The following CDH13 variants were observed in gnomAD, a reference collection of about 807,000 sequenced individuals.
The protein encoded by CDH13 is cadherin-13.
A neutral mutation model predicts 63.8 loss-of-function variants in CDH13; 24 were observed. The observed-to-expected ratio is 0.38, with a 90% CI of 0.27 to 0.53. CDH13 has a LOEUF of 0.53. CDH13 is among the 20% of genes least tolerant of loss of function. CDH13 has a pLI of 0.85. For missense variants in CDH13, 1,049 were observed against 903.1 expected, an observed-to-expected ratio of 1.16 and a Z score of -2.07; for synonymous variants, 503 against 355.3, an observed-to-expected ratio of 1.42 and a Z score of -4.67.
At chr16:83,600,973 C>G (rs561680811) in intron 7 of CDH13, among the ~76,000 whole-genome samples, 23 of 152,224 alleles carry the variant, frequency 1.5e-4, no homozygotes, top group African/African-American at 5.5e-4. Context: ...GAGATGACTC[C>G]TCTAGCTCCC....
At chr16:83,293,077 A>G (rs940974636) in intron 5 of CDH13, among the ~76,000 whole-genome samples, 6 of 152,138 alleles carry the variant, frequency 3.9e-5, no homozygotes, top group African/African-American at 1.4e-4. Context: ...TTTTATCACA[A>G]CAGTAATTAC....
intron 7 of CDH13, among the ~76,000 whole-genome samples, chr16:83,601,371 A>G (rs368795130): frequency 2.0e-5 from 3 of 152,208 alleles, no homozygotes; most frequent in South Asian, 2.1e-4. Flanking sequence ...TTTTGAGTAT[A>G]TAAACATGAT....
At chr16:83,399,707 A>AG (rs1380247744) in intron 6 of CDH13, among the ~76,000 whole-genome samples, 1 of 152,122 alleles carries the variant, frequency 6.6e-6, no homozygotes, top group Non-Finnish European at 1.5e-5. Context: ...CGTCTGCTTG[A>AG]AAGCCACCAT....
At chr16:82,738,905 C>T (rs1358768943) in intron 1 of CDH13, among the ~76,000 whole-genome samples, 1 of 152,212 alleles carries the variant, frequency 6.6e-6, no homozygotes, top group Non-Finnish European at 1.5e-5. Flanking sequence ...CAGTGGCTGT[C>T]TTACTAACTT....
chr16:83,525,443 C>T (rs2074939954), intron 7 of CDH13, among the ~76,000 whole-genome samples: 1 of 152,200 alleles, frequency 6.6e-6, no homozygotes, highest in South Asian at 2.1e-4. Context: ...TTCTTGGACT[C>T]CTAAGCCTAA....
At chr16:83,543,830 G>A (rs774661754) in intron 7 of CDH13, among the ~76,000 whole-genome samples, 13 of 152,136 alleles carry the variant, frequency 8.5e-5, no homozygotes, top group Admixed American at 3.3e-4. Flanking sequence ...GGCCCCAAAC[G>A]TCAGTAGTGC....
intron 4 of CDH13, among the ~76,000 whole-genome samples, chr16:83,162,108 C>T (rs781088577): frequency 2.6e-5 from 4 of 152,308 alleles, no homozygotes; most frequent in East Asian, 3.9e-4. Context: ...GCTTCTCAGA[C>T]GTGGCATTTA....
chr16:83,154,563 CAAA>C (rs755336374), intron 4 of CDH13, among the ~76,000 whole-genome samples: 3 of 98,574 alleles, frequency 3.0e-5, no homozygotes, highest in Admixed American at 1.1e-4. Context: ...GACTCCATCT[CAAA>C]AAAAAAAAAA....
chr16:83,460,420 C>G (rs1008611331), intron 6 of CDH13, among the ~76,000 whole-genome samples: 1 of 152,136 alleles, frequency 6.6e-6, no homozygotes, highest in Non-Finnish European at 1.5e-5. Flanking sequence ...GGCACAGAGA[C>G]AAGAACACTC....
chr16:83,429,195 G>T (rs991964334), intron 6 of CDH13, among the ~76,000 whole-genome samples: 1 of 152,160 alleles, frequency 6.6e-6, no homozygotes, highest in African/African-American at 2.4e-5. Context: ...TAGCATTTAC[G>T]AGAAGGTCCT....
At chr16:83,171,040 A>G (rs1371569215) in intron 4 of CDH13, among the ~76,000 whole-genome samples, 1 of 152,082 alleles carries the variant, frequency 6.6e-6, no homozygotes, top group Admixed American at 6.6e-5. Flanking sequence ...TCACATGGCT[A>G]TAAAGAAATA....
chr16:82,628,741 A>C (rs1226936998), intron 1 of CDH13, among the ~76,000 whole-genome samples: 4 of 152,146 alleles, frequency 2.6e-5, no homozygotes, highest in African/African-American at 9.7e-5. Context: ...TGTACCCTAG[A>C]GACCCCAAGG....
intron 3 of CDH13, among the ~76,000 whole-genome samples, chr16:83,090,581 A>AT (rs1349350516): frequency 2.0e-5 from 3 of 146,946 alleles, no homozygotes; most frequent in Admixed American, 6.7e-5. Flanking sequence ...CTCAAAAAAA[A>AT]AAAAAAAAAT....
At chr16:83,089,124 A>T (rs1294760258) in intron 3 of CDH13, among the ~76,000 whole-genome samples, 1 of 152,200 alleles carries the variant, frequency 6.6e-6, no homozygotes. Context: ...ATATAAGCGT[A>T]TATTTTGTTA....
intron 5 of CDH13, among the ~76,000 whole-genome samples, chr16:83,217,928 G>A (rs961446589): frequency 3.3e-5 from 5 of 152,162 alleles, no homozygotes; most frequent in African/African-American, 1.2e-4. Context: ...TTAAATTATG[G>A]CAGATTTTGC....
chr16:82,725,062 A>G lies in CDH13; in HGVS notation c.45+97925A>G, dbSNP rs184693026. ...TTGATAAATATTAGCTTATTTTGTG[A>G]TAATGATGGTCATGGTGATGGTGAT... On this transcript the variant is annotated intron_variant, in intron 1 of 13. Coordinates refer to ENST00000567109, the MANE Select transcript of CDH13 (RefSeq NM_001257.5). 4.2e-3 allele frequency among the ~76,000 whole-genome samples: 633 copies of G among 152,268 alleles called. 11 individuals are homozygous for G. The highest frequency in any genetic ancestry group is 0.03 in the Admixed American group (456 of 15,288).
intron 2 of CDH13, among the ~76,000 whole-genome samples, chr16:82,875,831 T>C (rs1451924720): frequency 6.6e-6 from 1 of 152,224 alleles, no homozygotes; most frequent in Non-Finnish European, 1.5e-5. Flanking sequence ...AGCTGGTTAA[T>C]GTCCTGTATT....
intron 8 of CDH13, among the ~76,000 whole-genome samples, chr16:83,663,669 C>G (rs1435610159): frequency 6.6e-6 from 1 of 152,068 alleles, no homozygotes; most frequent in Admixed American, 6.5e-5. Context: ...GAGGCATGCC[C>G]CAGGTTGTCT....
intron 1 of CDH13, among the ~76,000 whole-genome samples, chr16:82,834,160 T>G (rs1395624815): frequency 6.6e-6 from 1 of 152,212 alleles, no homozygotes; most frequent in Non-Finnish European, 1.5e-5. Flanking sequence ...AAAGGCAAAC[T>G]ACCGGACCCT....
Sources: allele counts gnomAD v4.1 joint callset (sites outside exome capture counted in the v4.1 genomes callset), GRCh38; gene constraint gnomAD v4.1.1; transcripts MANE v1.5; gene names NCBI Gene and HGNC (gene_info 2026-07-23, HGNC 2026-07-21).